TPD52: variants seen among roughly 807,000 people sequenced by gnomAD.
The protein encoded by TPD52 is prostate and colon associated protein.
In TPD52, 17 loss-of-function variants were observed where a neutral mutation model predicts 31.3. The observed-to-expected ratio is 0.54, with a 90% CI of 0.37 to 0.82. The LOEUF is 0.82. Ranked by LOEUF, TPD52 falls within the 40% of genes least tolerant of loss-of-function variation. The pLI is 0.00. For synonymous variants in TPD52, 83 were observed against 89.6 expected (o/e 0.93, Z 0.42); for missense variants, 212 against 240.1 (o/e 0.88, Z 0.77).
chr8:80,150,196 C>T (rs940116970), intron 1 of TPD52, among the ~76,000 whole-genome samples: 1 of 152,210 alleles, frequency 6.6e-6, no homozygotes, highest in Non-Finnish European at 1.5e-5. Flanking sequence ...GGTGCAAGCC[C>T]CAAGCCTTGG....
At chr8:80,161,043 G>C (rs1811328538) in intron 1 of TPD52, among the ~76,000 whole-genome samples, 1 of 151,848 alleles carries the variant, frequency 6.6e-6, no homozygotes, top group East Asian at 1.9e-4. Context: ...CTCCAGCCTG[G>C]GCAACAGAGC....
intron 1 of TPD52, among the ~76,000 whole-genome samples, chr8:80,076,205 C>T (rs1350326395): frequency 1.3e-5 from 2 of 152,118 alleles, no homozygotes; most frequent in Admixed American, 1.3e-4. Flanking sequence ...CACATGCATG[C>T]GTAAGTTCAT....
At chr8:80,099,779 G>A (rs1484189507) in intron 1 of TPD52, among the ~76,000 whole-genome samples, 4 of 152,198 alleles carry the variant, frequency 2.6e-5, no homozygotes, top group African/African-American at 2.4e-5. Flanking sequence ...CCAAAGTGCT[G>A]GGATTACAGG....
chr8:80,163,928 A>G (rs73252140), intron 1 of TPD52, among the ~76,000 whole-genome samples: 2,639 of 152,164 alleles, frequency 0.017, 77 homozygotes, highest in African/African-American at 0.059. Context: ...ACAAAAAACA[A>G]AACTGTTATG....
At chr8:80,053,887 A>G (rs1224406318) in intron 2 of TPD52, among the ~76,000 whole-genome samples, 5 of 152,140 alleles carry the variant, frequency 3.3e-5, no homozygotes, top group Non-Finnish European at 7.4e-5. Flanking sequence ...AACACACACA[A>G]CCAAGCCAAA....
chr8:80,170,059 A>G (rs1811974454), intron 1 of TPD52, among the ~76,000 whole-genome samples: 1 of 152,224 alleles, frequency 6.6e-6, no homozygotes, highest in Admixed American at 6.5e-5. Context: ...TCTGAAATTA[A>G]TCTGAAGGGG....
At chr8:80,040,763 C>G (rs1174627058) in intron 7 of TPD52, among the ~76,000 whole-genome samples, 4 of 152,200 alleles carry the variant, frequency 2.6e-5, no homozygotes, top group Non-Finnish European at 5.9e-5. Flanking sequence ...TAATCCTTGA[C>G]TTCCTGCAAC....
Position 80,171,436 on chromosome 8 carries a change from C to A in TPD52, c.8G>T (p.Arg3Leu), listed in dbSNP as rs758766628. 1 of 1,594,522 alleles carries A rather than the reference C, an allele frequency of 6.3e-7. No homozygotes were observed. The highest frequency in any genetic ancestry group is 8.5e-7 in the Non-Finnish European group (1 of 1,177,580). Reference protein sequence around the residue: MDRGEQGLLRTDP... With the variant: MDLGEQGLLRTDP... ...GTCCGCGCCCTCACCTTGCTCGCCG[C>A]GGTCCATGTCTCCAGCCCGCCGCCT... Residue 3 changes from arginine (R) to leucine (L), a missense_variant, in exon 1 of 8, where the codon CGC becomes CTC. Coordinates refer to ENST00000518937, the MANE Select transcript of TPD52 (RefSeq NM_001025253.3).
At chr8:80,126,496 T>G (rs2131057412) in intron 1 of TPD52, among the ~76,000 whole-genome samples, 2 of 150,262 alleles carry the variant, frequency 1.3e-5, no homozygotes, top group Middle Eastern at 3.4e-3. Flanking sequence ...TTTTTTTTTT[T>G]TTTGAGACAG....
chr8:80,060,254 T>C (rs559977345), intron 2 of TPD52, among the ~76,000 whole-genome samples: 5 of 148,338 alleles, frequency 3.4e-5, no homozygotes, highest in African/African-American at 7.5e-5. Flanking sequence ...TTATGAGCAA[T>C]TGTACACCAA....
intron 1 of TPD52, among the ~76,000 whole-genome samples, chr8:80,152,928 G>A (rs1462434047): frequency 6.6e-6 from 1 of 152,096 alleles, no homozygotes; most frequent in African/African-American, 2.4e-5. Flanking sequence ...GGTGTGTGCT[G>A]GGGAGGGGAG....
intron 1 of TPD52, among the ~76,000 whole-genome samples, chr8:80,112,787 TA>T (rs1307687691): frequency 6.6e-6 from 1 of 151,980 alleles, no homozygotes; most frequent in Non-Finnish European, 1.5e-5. Flanking sequence ...TGGCTTTCTA[TA>T]ATATTCTCCC....
intron 1 of TPD52, among the ~76,000 whole-genome samples, chr8:80,102,689 G>A (rs1177886646): frequency 6.6e-6 from 1 of 152,158 alleles, no homozygotes; most frequent in African/African-American, 2.4e-5. Context: ...AGTGATCAGA[G>A]TGTCTTTGCG....
At chr8:80,168,803 G>A (rs574927994) in intron 1 of TPD52, among the ~76,000 whole-genome samples, 2 of 152,366 alleles carry the variant, frequency 1.3e-5, no homozygotes, top group South Asian at 4.1e-4. Context: ...GGAAACAAGA[G>A]ATGGATTTGG....
chr8:80,141,040 T>C lies in TPD52; in HGVS notation c.19+30385A>G, dbSNP rs1256082443. Among the ~76,000 whole-genome samples, 3 of 151,644 alleles carry C rather than the reference T, an allele frequency of 2.0e-5. No homozygotes were observed. The East Asian group carries it at 5.8e-4, about 29-fold the overall frequency. On this transcript the variant is annotated intron_variant, in intron 1 of 7. Transcript: ENST00000518937. ...CATGGATGAACCACACCACCCAGTGTTAGCAACACGTGGATCATCTGTGGC... is the reference window on the plus strand; with the variant it reads ...CATGGATGAACCACACCACCCAGTGCTAGCAACACGTGGATCATCTGTGGC...
chr8:80,125,827 A>G (rs762529009), intron 1 of TPD52, among the ~76,000 whole-genome samples: 4 of 152,208 alleles, frequency 2.6e-5, no homozygotes, highest in Non-Finnish European at 5.9e-5. Context: ...GTCAGTCTCT[A>G]AGGTAACGCA....
At chr8:80,120,684 T>A (rs574320491) in intron 1 of TPD52, among the ~76,000 whole-genome samples, 198 of 152,292 alleles carry the variant, frequency 1.3e-3, no homozygotes, top group African/African-American at 4.5e-3. Context: ...ACTAAAATCA[T>A]TTTGGCTAAA....
At chr8:80,051,235 A>G in intron 4 of TPD52, 1 of 419,864 alleles carries the variant, frequency 2.4e-6, no homozygotes, top group Non-Finnish European at 4.3e-6. Context: ...CAAATTTGCA[A>G]CCAAAGACAT....
intron 1 of TPD52, among the ~76,000 whole-genome samples, chr8:80,132,548 CTA>C (rs1204400063): frequency 6.6e-6 from 1 of 152,114 alleles, no homozygotes; most frequent in African/African-American, 2.4e-5. Flanking sequence ...ATTAACTTTT[CTA>C]TGTTTGCAAA....
Sources: allele counts gnomAD v4.1 joint callset (sites outside exome capture counted in the v4.1 genomes callset), GRCh38; gene constraint gnomAD v4.1.1; transcripts MANE v1.5; gene names NCBI Gene and HGNC (gene_info 2026-07-23, HGNC 2026-07-21).